The following LINGO2 variants were observed in gnomAD, a reference collection of about 807,000 sequenced individuals.
LINGO2 encodes leucine rich repeat and Ig domain containing 2, also known as leucine-rich repeat and immunoglobulin-like domain-containing nogo receptor-interacting protein 2.
LINGO2 carries 14 observed loss-of-function variants against 30.6 expected under a neutral mutation model. That is an observed-to-expected ratio of 0.46 (90% CI 0.30 to 0.72). The LOEUF (loss-of-function observed/expected upper bound fraction) is 0.72. LINGO2 is among the 30% of genes least tolerant of loss of function. LINGO2 has a pLI of 0.07. For synonymous variants in LINGO2, 317 were observed against 288.5 expected (o/e 1.10, Z -1.00); for missense variants, 729 against 751.7 (o/e 0.97, Z 0.35).
chr9:28,653,966 C>T (rs1472781271), intron 1 of LINGO2, among the ~76,000 whole-genome samples: 1 of 151,970 alleles, frequency 6.6e-6, no homozygotes, highest in South Asian at 2.1e-4. Flanking sequence ...TTAATGTATG[C>T]TTTTATTGCT....
the LINGO2 span, among the ~76,000 whole-genome samples, chr9:29,148,338 A>G: frequency 6.6e-6 from 1 of 152,144 alleles, no homozygotes; most frequent in Non-Finnish European, 1.5e-5. Flanking sequence ...TCGCCAAAGC[A>G]TTTCTCACAT....
At chr9:28,723,004 T>A in the LINGO2 span, among the ~76,000 whole-genome samples, 1 of 152,124 alleles carries the variant, frequency 6.6e-6, no homozygotes, top group African/African-American at 2.4e-5. Flanking sequence ...GGACCCCACC[T>A]GAAACAATTA....
At chr9:28,926,666 A>G in the LINGO2 span, among the ~76,000 whole-genome samples, 1 of 152,094 alleles carries the variant, frequency 6.6e-6, no homozygotes, top group African/African-American at 2.4e-5. Flanking sequence ...GTTAACGTCT[A>G]TTTTTAATGT....
At chr9:28,878,327 G>A in the LINGO2 span, among the ~76,000 whole-genome samples, 6 of 152,252 alleles carry the variant, frequency 3.9e-5, no homozygotes, top group African/African-American at 1.4e-4. Flanking sequence ...AACAGGCTCT[G>A]AAATTGAGGC....
chr9:28,974,992 G>A, the LINGO2 span, among the ~76,000 whole-genome samples: 1 of 151,986 alleles, frequency 6.6e-6, no homozygotes, highest in Non-Finnish European at 1.5e-5. Context: ...TGAGTAATTT[G>A]AAATATCTGG....
chr9:28,577,552 A>T (rs1282246960), intron 1 of LINGO2, among the ~76,000 whole-genome samples: 2 of 151,880 alleles, frequency 1.3e-5, no homozygotes, highest in African/African-American at 4.8e-5. Context: ...TGAATAATAA[A>T]CTCCAGTCTC....
At chr9:28,327,630 AAAACAGCAGAAATAAGCAC>A in intron 3 of LINGO2, among the ~76,000 whole-genome samples, 1 of 152,324 alleles carries the variant, frequency 6.6e-6, no homozygotes, top group East Asian at 1.9e-4. Flanking sequence ...TTGTTTTTCA[AAAACAGCAGAAATAAGCAC>A]ACTTGTTTTT....
intron 4 of LINGO2, among the ~76,000 whole-genome samples, chr9:28,287,288 A>T (rs776614039): frequency 9.2e-5 from 14 of 152,232 alleles, no homozygotes; most frequent in Non-Finnish European, 1.8e-4. Context: ...AACTGAAGAG[A>T]AAATGATGCT....
chr9:28,550,423 T>C (rs117040311), intron 1 of LINGO2, among the ~76,000 whole-genome samples: 3,452 of 151,998 alleles, frequency 0.023, 72 homozygotes, highest in Admixed American at 0.055. Context: ...TTATTTTCAA[T>C]GACTGTATTT....
chr9:28,022,646 CTT>C (rs1823188555), intron 4 of LINGO2, among the ~76,000 whole-genome samples: 1 of 148,756 alleles, frequency 6.7e-6, no homozygotes, highest in African/African-American at 2.6e-5. Context: ...TAACTCTCTT[CTT>C]TTTCTCTCTC....
chr9:28,360,837 T>C (rs77310744), intron 3 of LINGO2, among the ~76,000 whole-genome samples: 39 of 152,142 alleles, frequency 2.6e-4, no homozygotes, highest in Non-Finnish European at 5.0e-4. Context: ...CTTCTATTCC[T>C]GAGTATGACC....
chr9:28,853,122 T>A, the LINGO2 span, among the ~76,000 whole-genome samples: 2 of 152,058 alleles, frequency 1.3e-5, no homozygotes, highest in Non-Finnish European at 2.9e-5. Context: ...AAGAAGGCAA[T>A]CTGTCTACAA....
rs1825198371 is a variant in LINGO2 at position 28,325,620 on chromosome 9, T to C, written c.-245-30254A>G. 2.6e-5 allele frequency among the ~76,000 whole-genome samples: 4 copies of C among 152,186 alleles called. No individual in the cohort carries two copies. The South Asian group carries it at 8.3e-4, about 32-fold the overall frequency. On this transcript the variant is annotated intron_variant, in intron 3 of 5. Transcript: ENST00000379992. ...GATGGTTTTATAAGGGATTTCCCTT[T>C]TCACTTGGTTCTCATTCTGTCTCGT... is the stretch of plus-strand genomic sequence containing the variant.
chr9:28,798,741 G>A, the LINGO2 span, among the ~76,000 whole-genome samples: 1 of 152,016 alleles, frequency 6.6e-6, no homozygotes, highest in Non-Finnish European at 1.5e-5. Flanking sequence ...GTTGAAAGGT[G>A]GCTTTCATCA....
At chr9:28,310,262 GT>G (rs1824560194) in intron 3 of LINGO2, among the ~76,000 whole-genome samples, 2 of 152,128 alleles carry the variant, frequency 1.3e-5, no homozygotes, top group South Asian at 4.1e-4. Context: ...TTTTTTGGCA[GT>G]TTTCCAAAAG....
chr9:28,613,841 C>A (rs1421123457), intron 1 of LINGO2, among the ~76,000 whole-genome samples: 1 of 152,148 alleles, frequency 6.6e-6, no homozygotes, highest in Non-Finnish European at 1.5e-5. Context: ...TGGATGAGTG[C>A]AGCAGTGGTC....
the LINGO2 span, among the ~76,000 whole-genome samples, chr9:28,796,240 G>C: frequency 4.5e-3 from 687 of 152,198 alleles, 5 homozygotes; most frequent in Non-Finnish European, 6.9e-3. Context: ...TTAGGAACTA[G>C]CTATAATATC....
chr9:28,441,453 T>C (rs934114876), intron 2 of LINGO2, among the ~76,000 whole-genome samples: 4 of 151,980 alleles, frequency 2.6e-5, no homozygotes, highest in Admixed American at 6.6e-5. Flanking sequence ...CCATACTTCA[T>C]GTTAGTTCTC....
rs572163965 is a variant in LINGO2, at chr9:28,234,384, AG to A, written c.-87+60823del. On this transcript the variant is annotated intron_variant, in intron 4 of 5. Coordinates refer to ENST00000379992, the Ensembl canonical transcript of LINGO2. ...GGGGAAGGAAGGGTGTGAAAAACTCAGTATGGGTAATATTGAGTGTCAACTT... is the reference window on the plus strand; with the variant it reads ...GGGGAAGGAAGGGTGTGAAAAACTCATATGGGTAATATTGAGTGTCAACTT... 1.1e-4 allele frequency among the ~76,000 whole-genome samples: 17 copies of A among 152,304 alleles called. No individual in the cohort carries two copies. In the South Asian group the frequency reaches 3.5e-3, roughly 32 times the overall value.
Sources: allele counts gnomAD v4.1 joint callset (sites outside exome capture counted in the v4.1 genomes callset), GRCh38; gene constraint gnomAD v4.1.1; transcripts MANE v1.5; gene names NCBI Gene and HGNC (gene_info 2026-07-23, HGNC 2026-07-21).